The following NXPH1 variants were observed in gnomAD, a reference collection of about 807,000 sequenced individuals.
NXPH1 encodes neurexophilin-1.
A neutral mutation model predicts 23.7 loss-of-function variants in NXPH1; 5 were observed. The ratio of observed to expected loss-of-function variants is 0.21; its 90% confidence interval spans 0.11 to 0.44. The LOEUF is 0.44. Among genes scored for constraint, NXPH1 ranks in the 20% least tolerant of loss-of-function variants. NXPH1 has a pLI of 0.99. For missense variants in NXPH1, 324 were observed against 321.6 expected (o/e 1.01, Z -0.06); for synonymous variants, 144 against 122.2 (o/e 1.18, Z -1.18).
At chr7:8,661,919 A>C (rs1820681973) in intron 2 of NXPH1, among the ~76,000 whole-genome samples, 3 of 152,034 alleles carry the variant, frequency 2.0e-5, no homozygotes, top group African/African-American at 7.2e-5. Context: ...AAATATATCA[A>C]GTATCCCCCC....
At chr7:8,511,684 T>C (rs1422886440) in intron 2 of NXPH1, among the ~76,000 whole-genome samples, 2 of 152,152 alleles carry the variant, frequency 1.3e-5, no homozygotes, top group Non-Finnish European at 2.9e-5. Flanking sequence ...TATGTCACCA[T>C]GCGTTACTTT....
At position 8,683,507 on chromosome 7, in the gene NXPH1, G is replaced by T. The variant is rs141669439; in HGVS notation, c.55-67501G>T. Among the ~76,000 whole-genome samples, 1,262 of 152,312 alleles carry T rather than the reference G, an allele frequency of 8.3e-3. 12 individuals are homozygous for T. Among genetic ancestry groups the T allele is most frequent in the African/African-American group, 0.029 (1,198 of 41,568 alleles). ...CACAGGAATGGGTCAGATTACTGCAGTACTACAGTGGTTGGTTGGCAGAAA... is the reference window on the plus strand; with the variant it reads ...CACAGGAATGGGTCAGATTACTGCATTACTACAGTGGTTGGTTGGCAGAAA... On this transcript the variant is annotated intron_variant, in intron 2 of 2. Coordinates refer to ENST00000405863, the MANE Select transcript of NXPH1 (RefSeq NM_152745.3).
At chr7:8,509,678 T>C (rs955217214) in intron 2 of NXPH1, among the ~76,000 whole-genome samples, 15 of 152,172 alleles carry the variant, frequency 9.9e-5, no homozygotes, top group African/African-American at 3.1e-4. Flanking sequence ...AAAAGGGGAC[T>C]AGGAAAGTCA....
chr7:8,645,598 T>C (rs1351168115), intron 2 of NXPH1, among the ~76,000 whole-genome samples: 1 of 121,814 alleles, frequency 8.2e-6, no homozygotes, highest in African/African-American at 2.9e-5. Context: ...ATATTATAAA[T>C]GTATTATCTC....
At chr7:8,463,735 A>T (rs1816732360) in intron 2 of NXPH1, among the ~76,000 whole-genome samples, 2 of 152,058 alleles carry the variant, frequency 1.3e-5, no homozygotes, top group Admixed American at 1.3e-4. Flanking sequence ...TGTTCTATGG[A>T]CTGTTCATTC....
chr7:8,502,700 G>C (rs1477910092), intron 2 of NXPH1, among the ~76,000 whole-genome samples: 1 of 151,584 alleles, frequency 6.6e-6, no homozygotes, highest in South Asian at 2.1e-4. Context: ...TAGGTCTCCT[G>C]TACCCAGGAT....
At chr7:8,664,849 GTTTA>G (rs1255396769) in intron 2 of NXPH1, among the ~76,000 whole-genome samples, 3 of 151,828 alleles carry the variant, frequency 2.0e-5, no homozygotes, top group African/African-American at 7.2e-5. Flanking sequence ...TGTCTATTCA[GTTTA>G]TTTGACTGTT....
chr7:8,475,607 C>T (rs1019079720), intron 2 of NXPH1, among the ~76,000 whole-genome samples: 3 of 152,084 alleles, frequency 2.0e-5, no homozygotes, highest in Non-Finnish European at 2.9e-5. Flanking sequence ...ACAAGGGAAT[C>T]GGGACTGATT....
chr7:8,674,255 C>A (rs2115171975), intron 2 of NXPH1, among the ~76,000 whole-genome samples: 1 of 151,530 alleles, frequency 6.6e-6, no homozygotes, highest in Non-Finnish European at 1.5e-5. Flanking sequence ...ATTAATAGTT[C>A]TATTGTACAA....
At chr7:8,513,674 G>A (rs1563332479) in intron 2 of NXPH1, among the ~76,000 whole-genome samples, 1 of 152,092 alleles carries the variant, frequency 6.6e-6, no homozygotes, top group Non-Finnish European at 1.5e-5. Flanking sequence ...TGTGATTAGA[G>A]ATAGGATGAA....
chr7:8,651,983 C>T (rs1051679926), intron 2 of NXPH1, among the ~76,000 whole-genome samples: 5 of 152,076 alleles, frequency 3.3e-5, no homozygotes, highest in South Asian at 2.1e-4. Context: ...AATATAAGGC[C>T]ATTGATCCTC....
At chr7:8,688,928 A>G (rs1821186957) in intron 2 of NXPH1, among the ~76,000 whole-genome samples, 1 of 152,174 alleles carries the variant, frequency 6.6e-6, no homozygotes, top group Admixed American at 6.5e-5. Flanking sequence ...TGAAACTGAC[A>G]TCTGTTAATG....
intron 2 of NXPH1, among the ~76,000 whole-genome samples, chr7:8,694,238 G>A (rs1821268291): frequency 6.6e-6 from 1 of 152,190 alleles, no homozygotes; most frequent in South Asian, 2.1e-4. Flanking sequence ...TCTTTCCTAA[G>A]TGCAGGTGCG....
intron 2 of NXPH1, among the ~76,000 whole-genome samples, chr7:8,537,916 A>G (rs746007772): frequency 1.6e-4 from 24 of 151,914 alleles, no homozygotes; most frequent in Admixed American, 6.6e-5. Context: ...ATTTAGAGAT[A>G]ATCAGTTCAA....
chr7:8,628,803 C>T (rs964084797), intron 2 of NXPH1, among the ~76,000 whole-genome samples: 1 of 151,738 alleles, frequency 6.6e-6, no homozygotes, highest in Non-Finnish European at 1.5e-5. Context: ...AGAGATTTGA[C>T]GCGTATGTTT....
At chr7:8,460,615 A>G (rs560858800) in intron 2 of NXPH1, among the ~76,000 whole-genome samples, 1 of 152,330 alleles carries the variant, frequency 6.6e-6, no homozygotes, top group South Asian at 2.1e-4. Flanking sequence ...GGACATGCCT[A>G]GCTCTGATCC....
At chr7:8,737,161 G>C (rs1583254157) in intron 2 of NXPH1, among the ~76,000 whole-genome samples, 1 of 152,108 alleles carries the variant, frequency 6.6e-6, no homozygotes, top group Non-Finnish European at 1.5e-5. Context: ...GTGTGAATTT[G>C]ATCATGTCAG....
At chr7:8,698,018 T>C (rs1429383753) in intron 2 of NXPH1, among the ~76,000 whole-genome samples, 1 of 152,152 alleles carries the variant, frequency 6.6e-6, no homozygotes, top group African/African-American at 2.4e-5. Context: ...AATGGCCTGA[T>C]CAACATTTGT....
Position 8,659,800 on chromosome 7 carries a change from A to AT in NXPH1, c.55-91202dup, listed in dbSNP as rs1820643451. On this transcript the variant is annotated intron_variant, in intron 2 of 2. Coordinates refer to ENST00000405863, the MANE Select transcript of NXPH1 (RefSeq NM_152745.3). ...ATATAACCTAGAAATGCATTGTGTT[A>AT]TTTTTTCTGTCAACTCAAATTATTG... Among the ~76,000 whole-genome samples, 7 of 152,274 alleles carry AT rather than the reference A, an allele frequency of 4.6e-5. No individual in the cohort carries two copies. The South Asian group carries it at 1.5e-3, about 32-fold the overall frequency.
Sources: gnomAD v4.1 joint callset for allele counts (sites outside exome capture counted in the v4.1 genomes callset) on GRCh38, gnomAD v4.1.1 for gene constraint, MANE v1.5 for transcripts, NCBI Gene and HGNC (gene_info 2026-07-23, HGNC 2026-07-21) for gene names.